Variants in SYNJ1 observed in about 807,000 individuals in gnomAD.
SYNJ1 encodes synaptojanin 1.
In SYNJ1, 78 loss-of-function variants were observed where a neutral mutation model predicts 168.2. The ratio of observed to expected loss-of-function variants is 0.46; its 90% CI spans 0.39 to 0.56. The LOEUF (loss-of-function observed/expected upper bound fraction) is 0.56. SYNJ1 is among the 20% of genes least tolerant of loss of function. The pLI is 0.00. For synonymous variants in SYNJ1, 539 were observed against 548.6 expected (o/e 0.98, Z 0.24); for missense variants, 1,303 against 1,597.6 (o/e 0.82, Z 3.14).
chr21:32,728,195 C>A (rs1044530494), upstream of SYNJ1: 2 of 877,944 alleles, frequency 2.3e-6, no homozygotes, highest in Non-Finnish European at 1.6e-6. Flanking sequence ...CCTGCGGCCG[C>A]CCCCAGGCAG....
At position 32,661,311 on chromosome 21, in the gene SYNJ1, G is replaced by T. The variant is rs111447236; in HGVS notation, c.2305-3439C>A. 7.5e-4 allele frequency among the ~76,000 whole-genome samples: 114 copies of T among 152,266 alleles called. 1 individual carries two copies. The highest frequency in any genetic ancestry group is 2.6e-3 in the African/African-American group (109 of 41,546). On this transcript the variant is annotated intron_variant, in intron 18 of 32. Transcript: ENST00000674351. ...AGCGCAATGTGAGGCAAGGCCCCAC[G>T]GTTCCACCCAGCATACAAGCTTATG...
intron 26 of SYNJ1, 101 bp from the exon 27 acceptor site, chr21:32,643,558 A>C (rs557810064): frequency 9.8e-6 from 12 of 1,221,980 alleles, no homozygotes; most frequent in Non-Finnish European, 1.3e-5. Context: ...TCACTTTTGC[A>C]AAAAGGCTCT....
intron 29 of SYNJ1, among the ~76,000 whole-genome samples, chr21:32,640,378 C>T (rs949897978): frequency 1.3e-5 from 2 of 151,958 alleles, no homozygotes; most frequent in Admixed American, 1.3e-4. Context: ...CTCACTGCAA[C>T]CTCTGCCTCC....
chr21:32,643,067 TA>T (rs1165016175), intron 27 of SYNJ1, among the ~76,000 whole-genome samples: 1 of 152,194 alleles, frequency 6.6e-6, no homozygotes, highest in Non-Finnish European at 1.5e-5. Context: ...TTCAGATTAG[TA>T]AAGTACATTT....
chr21:32,633,986 C>T (rs1430631488), intron 32 of SYNJ1, among the ~76,000 whole-genome samples: 1 of 152,028 alleles, frequency 6.6e-6, no homozygotes, highest in Non-Finnish European at 1.5e-5. Context: ...CTCTATATTA[C>T]CAAAAATCTC....
In SYNJ1 at chr21:32,726,849, G is replaced by C; in HGVS notation, c.47C>G (p.Pro16Arg). Reference protein sequence around the residue: ...GFRIYHKLDPPPFSLIVETRH... With the variant: ...GFRIYHKLDPRPFSLIVETRH... ...AGTTTCCACTATGAGGCTGAAAGGT[G>C]GGGGATCCAATTTGTGATAGATCCG... The change falls in exon 2 of 33, where the codon CCA becomes CGA. Residue 16 changes from proline (P) to arginine (R), a missense_variant. Physicochemically the swap from Pro to Arg is moderately radical, Grantham distance 103. Coordinates refer to ENST00000674351, the MANE Select transcript of SYNJ1 (RefSeq NM_203446.3). The C allele has an allele frequency of 6.2e-7, 1 of 1,614,158 alleles. No individual in the cohort carries two copies. Among genetic ancestry groups the C allele is most frequent in the East Asian group, 2.2e-5 (1 of 44,870 alleles).
At chr21:32,696,148 G>A (rs941293821) in intron 4 of SYNJ1, among the ~76,000 whole-genome samples, 5 of 152,268 alleles carry the variant, frequency 3.3e-5, no homozygotes, top group East Asian at 1.9e-4. Context: ...CACCGCGCCC[G>A]CCCATGAAGC....
chr21:32,715,915 C>A (rs1302130681), intron 2 of SYNJ1, among the ~76,000 whole-genome samples: 1 of 152,056 alleles, frequency 6.6e-6, no homozygotes, highest in Admixed American at 6.6e-5. Flanking sequence ...ATATATCTCT[C>A]CAAATGCCAA....
intron 15 of SYNJ1, among the ~76,000 whole-genome samples, chr21:32,668,528 G>A (rs996295462): frequency 1.1e-4 from 17 of 152,176 alleles, no homozygotes; most frequent in African/African-American, 3.6e-4. Flanking sequence ...CAAAATGGGT[G>A]AAGTTGATTT....
chr21:32,717,749 CT>C (rs2043075768), intron 2 of SYNJ1, among the ~76,000 whole-genome samples: 1 of 152,226 alleles, frequency 6.6e-6, no homozygotes. Context: ...CCGATCAACA[CT>C]GAGCTGAAGT....
At chr21:32,708,856 C>T (rs1373515609) in intron 2 of SYNJ1, among the ~76,000 whole-genome samples, 4 of 151,524 alleles carry the variant, frequency 2.6e-5, no homozygotes, top group African/African-American at 4.9e-5. Flanking sequence ...TGGTGGCTCA[C>T]GCCTGTAATC....
rs181168631 is a variant in SYNJ1, at chr21:32,631,338, C to A, written c.*467G>T. On this transcript the variant is annotated 3_prime_UTR_variant, in exon 33 of 33. Coordinates refer to ENST00000674351, the MANE Select transcript of SYNJ1 (RefSeq NM_203446.3). ...CTGTAGATCAAAACTGTCCTTAAAG[C>A]CATCAAGTGAAGATGAAGCCCTGCT... 6.2e-7 allele frequency: 1 copy of A among 1,614,040 alleles called. No homozygotes were observed. The highest frequency in any genetic ancestry group is 1.3e-5 in the African/African-American group (1 of 74,910).
At chr21:32,712,253 C>T (rs1246675157) in intron 2 of SYNJ1, among the ~76,000 whole-genome samples, 3 of 152,166 alleles carry the variant, frequency 2.0e-5, no homozygotes, top group Non-Finnish European at 4.4e-5. Context: ...TATTTGCATG[C>T]AGACAGCACT....
chr21:32,699,914 A>G lies in SYNJ1; in HGVS notation c.403T>C (p.Ser135Pro). 1 of 1,614,172 alleles carries G rather than the reference A, an allele frequency of 6.2e-7. No homozygotes were observed. The highest frequency in any genetic ancestry group is 8.5e-7 in the Non-Finnish European group (1 of 1,180,018). The change falls in exon 4 of 33, where the codon TCT (serine) becomes CCT (proline). Residue 135 changes from serine (S) to proline (P), a missense_variant. Coordinates refer to ENST00000674351, the MANE Select transcript of SYNJ1 (RefSeq NM_203446.3). ...AGACTCAAATCTAAACTGATGCCAG[A>G]TGCAGACCATGCAAAATAAAAGTTT... ...SGNFYFAWSASGISLDLSLNA... is the reference protein window; with the variant it reads ...SGNFYFAWSAPGISLDLSLNA...
intron 2 of SYNJ1, among the ~76,000 whole-genome samples, chr21:32,721,344 A>G (rs2043213020): frequency 6.6e-6 from 1 of 152,268 alleles, no homozygotes; most frequent in African/African-American, 2.4e-5. Flanking sequence ...AAATCAATGC[A>G]ACAGAAGAAA....
intron 4 of SYNJ1, among the ~76,000 whole-genome samples, chr21:32,696,390 A>C (rs1208697341): frequency 6.6e-6 from 1 of 152,186 alleles, no homozygotes; most frequent in Non-Finnish European, 1.5e-5. Context: ...GATACAGATA[A>C]AAGCTGCTAT....
At position 32,663,102 on chromosome 21, in the gene SYNJ1, T is replaced by C. The variant is rs113035860; in HGVS notation, c.2304+1811A>G. Reference sequence around the variant, plus strand: ...AGCATGTAGCCTAGTCTCTCAATGTTGCTTCACATTATGTATGTGGAGGAA... The same window carrying C: ...AGCATGTAGCCTAGTCTCTCAATGTCGCTTCACATTATGTATGTGGAGGAA... On this transcript the variant is annotated intron_variant, in intron 18 of 32. Transcript: ENST00000674351. Among the ~76,000 whole-genome samples, 347 of 152,312 alleles carry C rather than the reference T, an allele frequency of 2.3e-3. 1 individual carries two copies. The highest frequency in any genetic ancestry group is 7.6e-3 in the African/African-American group (317 of 41,576).
chr21:32,664,384 A>T (rs1198333272), intron 18 of SYNJ1, among the ~76,000 whole-genome samples: 1 of 152,218 alleles, frequency 6.6e-6, no homozygotes, highest in East Asian at 1.9e-4. Flanking sequence ...AAAAGGCAGA[A>T]ATGGAATCAC....
chr21:32,681,314 T>C (rs2041613737), intron 11 of SYNJ1, among the ~76,000 whole-genome samples, 182 bp downstream of exon 11: 1 of 152,210 alleles, frequency 6.6e-6, no homozygotes, highest in South Asian at 2.1e-4. Flanking sequence ...CTATCTTCCA[T>C]TTATTCACTA....
Sources: allele counts gnomAD v4.1 joint callset (sites outside exome capture counted in the v4.1 genomes callset), GRCh38; gene constraint gnomAD v4.1.1; transcripts MANE v1.5; gene names NCBI Gene and HGNC (gene_info 2026-07-23, HGNC 2026-07-21).